The following RAB30 variants were observed in gnomAD, a reference collection of about 807,000 sequenced individuals.
RAB30 encodes ras-related protein Rab-30.
In RAB30, 9 loss-of-function variants were observed where a neutral mutation model predicts 25.1. That is an observed-to-expected ratio of 0.36 (90% CI 0.22 to 0.63). The LOEUF (loss-of-function observed/expected upper bound fraction) is 0.63, where lower values mean the gene tolerates loss of function less well. Ranked by LOEUF, RAB30 falls within the 20% of genes least tolerant of loss-of-function variation. RAB30 has a pLI of 0.69. For synonymous variants in RAB30, 77 were observed against 86.4 expected, an observed-to-expected ratio of 0.89 and a Z score of 0.60; for missense variants, 140 against 243.5, an observed-to-expected ratio of 0.58 and a Z score of 2.83.
intron 1 of RAB30, among the ~76,000 whole-genome samples, chr11:83,040,457 G>A (rs186640546): frequency 1.8e-4 from 28 of 152,122 alleles, no homozygotes; most frequent in Middle Eastern, 3.4e-3. Context: ...TGGGTGTGGC[G>A]GTGGACACCT....
intron 1 of RAB30, among the ~76,000 whole-genome samples, chr11:83,038,396 G>A (rs533499103): frequency 1.3e-5 from 2 of 152,280 alleles, no homozygotes; most frequent in South Asian, 2.1e-4. Context: ...ATTGATTAGC[G>A]CTGTGTCCTC....
intron 1 of RAB30, among the ~76,000 whole-genome samples, chr11:83,020,844 C>T (rs1857559381): frequency 2.0e-5 from 3 of 152,032 alleles, no homozygotes; most frequent in African/African-American, 7.2e-5. Context: ...AGTGGAGCCA[C>T]TCACTTTATG....
chr11:82,975,588 ACC>A lies in RAB30; in HGVS notation c.*6575_*6576del, dbSNP rs1287513917. On this transcript the variant is annotated 3_prime_UTR_variant, in exon 5 of 5. Transcript: ENST00000527633. ...TATGAAATTAAAAGCAGATCACAAA[ACC>A]GAGATTCATGCCTCCATTTTTACCA... 1 of 152,186 alleles carries A rather than the reference ACC, an allele frequency of 6.6e-6. No homozygotes were observed. The highest frequency in any genetic ancestry group is 6.5e-5 in the Admixed American group (1 of 15,272). 9.4% of individuals were successfully genotyped at this position (152,186 alleles called of 1,614,324 possible). A position where few individuals can be genotyped will look rare whatever the true frequency, so the allele number is the denominator to read the frequency against.
chr11:83,039,673 G>C (rs1020841243), intron 1 of RAB30, among the ~76,000 whole-genome samples: 1 of 152,052 alleles, frequency 6.6e-6, no homozygotes, highest in Non-Finnish European at 1.5e-5. Context: ...AAAATTCTTG[G>C]GGAAGTCAAA....
intron 1 of RAB30, among the ~76,000 whole-genome samples, chr11:83,015,060 T>A (rs1857407044): frequency 6.6e-6 from 1 of 152,208 alleles, no homozygotes; most frequent in South Asian, 2.1e-4. Flanking sequence ...ACATAGAGCT[T>A]GGAAAGCCAG....
At chr11:83,069,420 G>A (rs770373488) in intron 1 of RAB30, among the ~76,000 whole-genome samples, 32 of 152,170 alleles carry the variant, frequency 2.1e-4, no homozygotes, top group Non-Finnish European at 3.1e-4. Context: ...CACTCTTCCC[G>A]TTAAGAGAAG....
chr11:83,065,620 A>T (rs1402817020), intron 1 of RAB30, among the ~76,000 whole-genome samples: 1 of 152,142 alleles, frequency 6.6e-6, no homozygotes, highest in Non-Finnish European at 1.5e-5. Context: ...GATGTTGTGT[A>T]CTTCCCATTG....
intron 1 of RAB30, among the ~76,000 whole-genome samples, chr11:83,057,464 TG>T (rs1175770984): frequency 6.6e-6 from 1 of 152,200 alleles, no homozygotes; most frequent in African/African-American, 2.4e-5. Flanking sequence ...TCTTGAGTTT[TG>T]GAAGGAAAAG....
intron 1 of RAB30, among the ~76,000 whole-genome samples, chr11:83,035,003 T>C (rs530707279): frequency 6.6e-6 from 1 of 152,072 alleles, no homozygotes; most frequent in African/African-American, 2.4e-5. Context: ...TGATCATTTA[T>C]TGACCACTGG....
intron 1 of RAB30, among the ~76,000 whole-genome samples, chr11:83,026,288 A>G (rs989512250): frequency 2.0e-5 from 3 of 152,220 alleles, no homozygotes; most frequent in Non-Finnish European, 2.9e-5. Flanking sequence ...TGATTTGGAT[A>G]TCTGTCCCCT....
intron 1 of RAB30, among the ~76,000 whole-genome samples, chr11:83,033,055 C>CCTTTTT (rs1565284142): frequency 1.3e-5 from 1 of 77,864 alleles, no homozygotes; most frequent in Non-Finnish European, 2.5e-5. Flanking sequence ...GCCTCAAATT[C>CCTTTTT]TTTTTTTTTT....
Position 83,029,309 on chromosome 11 carries a change from T to A in RAB30, c.-8-31985A>T, listed in dbSNP as rs543273428. Among the ~76,000 whole-genome samples the A allele has an allele frequency of 2.6e-5, 4 of 152,198 alleles. No individual in the cohort carries two copies. In the South Asian group the frequency reaches 8.3e-4, roughly 32 times the overall value. On this transcript the variant is annotated intron_variant, in intron 1 of 4. Coordinates refer to ENST00000527633, the MANE Select transcript of RAB30 (RefSeq NM_001286060.2). ...ATAAAAGCAGACCCCCCAACACCCA[T>A]TACCAAAGTTCAACACTTACCAAGA... is the stretch of plus-strand genomic sequence containing the variant.
intron 1 of RAB30, among the ~76,000 whole-genome samples, chr11:83,042,443 G>C (rs111742816): frequency 0.069 from 10,329 of 150,640 alleles, 777 homozygotes; most frequent in African/African-American, 0.19. Flanking sequence ...TGTAATCCTA[G>C]CTACTCGGGA....
chr11:83,027,367 G>C (rs1400746507), intron 1 of RAB30, among the ~76,000 whole-genome samples: 1 of 152,144 alleles, frequency 6.6e-6, no homozygotes, highest in Non-Finnish European at 1.5e-5. Context: ...GTCTACAGAA[G>C]GTAGAGTGCA....
At chr11:83,010,912 C>T (rs1056756548) in intron 1 of RAB30, among the ~76,000 whole-genome samples, 3 of 152,032 alleles carry the variant, frequency 2.0e-5, no homozygotes, top group Non-Finnish European at 2.9e-5. Flanking sequence ...ATTAGAAATG[C>T]CAATTATGAA....
chr11:83,017,781 G>C (rs927765584), intron 1 of RAB30, among the ~76,000 whole-genome samples: 2 of 152,116 alleles, frequency 1.3e-5, no homozygotes, highest in African/African-American at 2.4e-5. Flanking sequence ...CTCATTGGTT[G>C]ATGGGCATTT....
chr11:83,010,291 A>C (rs184502501), intron 1 of RAB30, among the ~76,000 whole-genome samples: 1 of 152,156 alleles, frequency 6.6e-6, no homozygotes, highest in Non-Finnish European at 1.5e-5. Flanking sequence ...CCTCTACAAG[A>C]AATTTAAAAA....
At chr11:83,044,375 G>A (rs1858193126) in intron 1 of RAB30, among the ~76,000 whole-genome samples, 1 of 152,160 alleles carries the variant, frequency 6.6e-6, no homozygotes, top group Non-Finnish European at 1.5e-5. Flanking sequence ...CAAACCCAGA[G>A]GCCTAGGTTC....
chr11:83,071,050 C>G (rs1858831025), intron 1 of RAB30, among the ~76,000 whole-genome samples: 1 of 152,242 alleles, frequency 6.6e-6, no homozygotes, highest in South Asian at 2.1e-4. Context: ...AAAAACGCTG[C>G]TTCCAGCAGC....
Sources: allele counts gnomAD v4.1 joint callset (sites outside exome capture counted in the v4.1 genomes callset), GRCh38; gene constraint gnomAD v4.1.1; transcripts MANE v1.5; gene names NCBI Gene and HGNC (gene_info 2026-07-23, HGNC 2026-07-21).